Variants in ECT2L observed in about 807,000 individuals in gnomAD.
The protein encoded by ECT2L is epithelial cell transforming 2 like, also known as epithelial cell-transforming sequence 2 oncogene-like.
A neutral mutation model predicts 122.8 loss-of-function variants in ECT2L; 126 were observed. The observed-to-expected ratio is 1.03, with a 90% CI of 0.89 to 1.19. The LOEUF (loss-of-function observed/expected upper bound fraction) is 1.19, where lower values mean the gene tolerates loss of function less well. Among genes scored for constraint, ECT2L ranks in the 50% most tolerant of loss-of-function variants. The pLI is 0.00. For synonymous variants in ECT2L, 385 were observed against 381.8 expected (o/e 1.01, Z -0.10); for missense variants, 1,012 against 1,064.1 (o/e 0.95, Z 0.68).
chr6:138,835,416 T>G (rs1776798163), intron 4 of ECT2L, among the ~76,000 whole-genome samples: 1 of 151,944 alleles, frequency 6.6e-6, no homozygotes, highest in African/African-American at 2.4e-5. Flanking sequence ...CCGGGTATGG[T>G]GGTGCATGCC....
rs747272599 is a variant in ECT2L, at chr6:138,865,162, C to T, written c.1458C>T (p.Ile486=). 1 of 1,611,738 alleles carries T rather than the reference C, an allele frequency of 6.2e-7. No homozygotes were observed. Among genetic ancestry groups the T allele is most frequent in the East Asian group, 2.2e-5 (1 of 44,862 alleles). ...TCTTCAAGGAACTGCAGAAGAGCAT[C>T]AGTGGCAGGATGATAGGTAAGCAGT... ...YPFFKELQKS[I]SGRMIGQFMF... is the part of the protein sequence containing the mutation. Residue 486 remains isoleucine, a synonymous_variant, in exon 12 of 22, where the codon ATC becomes ATT. Transcript: ENST00000541398.
intron 20 of ECT2L, among the ~76,000 whole-genome samples, chr6:138,899,067 G>A (rs1055652217): frequency 6.6e-6 from 1 of 151,860 alleles, no homozygotes; most frequent in Non-Finnish European, 1.5e-5. Flanking sequence ...CTACTCTCAG[G>A]AATTGTATCT....
intron 13 of ECT2L, among the ~76,000 whole-genome samples, chr6:138,875,015 A>G (rs1417811726): frequency 6.6e-6 from 1 of 152,152 alleles, no homozygotes; most frequent in Non-Finnish European, 1.5e-5. Context: ...TGAGCTTGGG[A>G]GGTCGAGGCT....
chr6:138,839,753 G>A (rs1776974191), intron 5 of ECT2L, among the ~76,000 whole-genome samples: 1 of 151,880 alleles, frequency 6.6e-6, no homozygotes, highest in East Asian at 1.9e-4. Context: ...TTTGTTTTAT[G>A]TTTTTTTCCC....
intron 5 of ECT2L, among the ~76,000 whole-genome samples, chr6:138,839,867 G>A (rs1776977131): frequency 6.6e-6 from 1 of 151,800 alleles, no homozygotes; most frequent in Non-Finnish European, 1.5e-5. Flanking sequence ...ATATAGCCTT[G>A]AATTAATATT....
chr6:138,844,518 G>A lies in ECT2L; in HGVS notation c.702G>A (p.Val234=). 3 of 1,614,120 alleles carry A rather than the reference G, an allele frequency of 1.9e-6. No individual in the cohort carries two copies. Among genetic ancestry groups the A allele is most frequent in the Middle Eastern group, 1.6e-4 (1 of 6,062 alleles). ...TCTCCCAGACTGTAAGGGAGCGAGTGGGATTACATGAAGCTTTGGAGAAAC... is the reference window on the plus strand; with the variant it reads ...TCTCCCAGACTGTAAGGGAGCGAGTAGGATTACATGAAGCTTTGGAGAAAC... ...PRLSQTVRER[V]GLHEALEKQL... Residue 234 remains valine, a synonymous_variant, in exon 7 of 22, where the codon GTG becomes GTA. Coordinates refer to ENST00000541398, the MANE Select transcript of ECT2L (RefSeq NM_001077706.3).
At chr6:138,841,766 T>G (rs912291084) in intron 5 of ECT2L, among the ~76,000 whole-genome samples, 1 of 152,230 alleles carries the variant, frequency 6.6e-6, no homozygotes, top group African/African-American at 2.4e-5. Flanking sequence ...GTTGAACAAG[T>G]CCTTATTGCA....
rs77047026 is a variant in ECT2L at position 138,864,991 on chromosome 6, G to A, written c.1292-5G>A. The stretch of plus-strand genomic sequence containing the variant: ...TGCAATAATAACAGAAGAAAATCAT[G>A]TCAGTTCTTAGTGATTGGCTGGGAT... On this transcript the variant is annotated splice_region_variant and splice_polypyrimidine_tract_variant and intron_variant, in intron 11 of 21. Transcript: ENST00000541398. 3.5e-3 allele frequency: 5,620 copies of A among 1,610,410 alleles called. 153 individuals carry two copies. The African/African-American group carries it at 0.06, about 17-fold the overall frequency.
intron 12 of ECT2L, among the ~76,000 whole-genome samples, chr6:138,867,017 T>G (rs1778064574): frequency 6.6e-6 from 1 of 151,904 alleles, no homozygotes; most frequent in African/African-American, 2.4e-5. Context: ...GAGGTTTCAG[T>G]GAGCTGAGAT....
chr6:138,843,451 T>A (rs985662803), intron 6 of ECT2L, among the ~76,000 whole-genome samples: 5 of 152,142 alleles, frequency 3.3e-5, no homozygotes, highest in Non-Finnish European at 5.9e-5. Context: ...ATATCAGTGC[T>A]TCCATTGCTA....
intron 4 of ECT2L, among the ~76,000 whole-genome samples, chr6:138,816,903 A>G (rs1353883172): frequency 1.3e-5 from 2 of 152,172 alleles, no homozygotes; most frequent in African/African-American, 4.8e-5. Flanking sequence ...TTAAGTTTAG[A>G]CCATTTCATC....
chr6:138,876,362 T>C (rs1778449855), intron 13 of ECT2L, 110 bp from the exon 14 acceptor site: 1 of 671,526 alleles, frequency 1.5e-6, no homozygotes, highest in Non-Finnish European at 2.6e-6. Context: ...GGGAACACTG[T>C]GGTTGGGGCT....
chr6:138,807,115 AT>A (rs199510917), intron 1 of ECT2L, among the ~76,000 whole-genome samples: 1,946 of 144,496 alleles, frequency 0.013, 17 homozygotes, highest in African/African-American at 0.029. Flanking sequence ...TCCCAGGGGT[AT>A]TTTTTTTTTT....
Position 138,854,123 on chromosome 6 carries a change from C to G in ECT2L, c.1167C>G (p.His389Gln), listed in dbSNP as rs573437951. 1.2e-6 allele frequency: 2 copies of G among 1,614,052 alleles called. No individual in the cohort carries two copies. Among genetic ancestry groups the G allele is most frequent in the Non-Finnish European group, 1.7e-6 (2 of 1,180,002 alleles). ...SYVATEEEGG[H>Q]VDFFVPLGAS... ...TGGCCACTGAAGAAGAAGGGGGTCACGTGGACTTCTTCGTGCCCCTTGGAG... is the reference window on the plus strand; with the variant it reads ...TGGCCACTGAAGAAGAAGGGGGTCAGGTGGACTTCTTCGTGCCCCTTGGAG... Residue 389 changes from histidine to glutamine, a missense_variant, in exon 10 of 22, where the codon CAC becomes CAG. Transcript: ENST00000541398.
chr6:138,828,789 C>T (rs1159266147), intron 4 of ECT2L, among the ~76,000 whole-genome samples: 1 of 152,080 alleles, frequency 6.6e-6, no homozygotes. Flanking sequence ...TGTCATCCTC[C>T]AAAATTGATC....
Position 138,881,046 on chromosome 6 carries a change from G to C in ECT2L, c.1755G>C (p.Leu585=). ...GTGAGAGAAAATACGTGCAGATACT[G>C]GAAATTGTGAGAGATGTTTATGTCG... is the stretch of plus-strand genomic sequence containing the variant. The part of the protein sequence containing the change: ...LQSERKYVQI[L]EIVRDVYVAP... The change falls in exon 15 of 22, where the codon CTG becomes CTC. Residue 585 remains leucine (L), a synonymous_variant. Coordinates refer to ENST00000541398, the MANE Select transcript of ECT2L (RefSeq NM_001077706.3). The C allele has an allele frequency of 6.2e-7, 1 of 1,614,176 alleles. No individual in the cohort carries two copies. Among genetic ancestry groups the C allele is most frequent in the Non-Finnish European group, 8.5e-7 (1 of 1,180,028 alleles).
intron 14 of ECT2L, chr6:138,879,425 AAAT>A (rs1320919714): frequency 6.6e-6 from 1 of 152,222 alleles, no homozygotes; most frequent in Non-Finnish European, 1.5e-5. Context: ...GCTGGAGGGA[AAAT>A]AATAATTCTA....
chr6:138,814,253 T>C (rs530168471), intron 3 of ECT2L, among the ~76,000 whole-genome samples: 1 of 152,300 alleles, frequency 6.6e-6, no homozygotes, highest in East Asian at 1.9e-4. Context: ...TATAATTACA[T>C]CACTGCCAGT....
rs5880405 is a variant in ECT2L at position 138,834,935 on chromosome 6, A to ACACT, written c.180-3416_180-3415insACTC. On this transcript the variant is annotated intron_variant, in intron 4 of 21. Coordinates refer to ENST00000541398, the MANE Select transcript of ECT2L (RefSeq NM_001077706.3). The stretch of plus-strand genomic sequence containing the variant: ...CACACACACACACACACACACACAC[A>ACACT]CTCTCATTCTCTCTCTCTGTCTCTT... Among the ~76,000 whole-genome samples, 163 of 142,862 alleles carry ACACT rather than the reference A, an allele frequency of 1.1e-3. 1 individual carries two copies. Among genetic ancestry groups the ACACT allele is most frequent in the African/African-American group, 4.1e-3 (154 of 37,644 alleles). 93.7% of individuals were successfully genotyped at this position (142,862 alleles called of 152,430 possible).
Sources: allele counts gnomAD v4.1 joint callset (sites outside exome capture counted in the v4.1 genomes callset), GRCh38; gene constraint gnomAD v4.1.1; transcripts MANE v1.5; gene names NCBI Gene and HGNC (gene_info 2026-07-23, HGNC 2026-07-21).